C12orf56: variants seen among roughly 807,000 people sequenced by gnomAD.
C12orf56 encodes chromosome 12 open reading frame 56, also known as uncharacterized protein C12orf56.
C12orf56 carries 71 observed loss-of-function variants against 69.9 expected under a neutral mutation model. The ratio of observed to expected loss-of-function variants is 1.02; its 90% CI spans 0.84 to 1.24. The LOEUF is 1.24. Ranked by LOEUF, C12orf56 falls within the 50% of genes most tolerant of loss-of-function variation. The pLI is 0.00. For synonymous variants in C12orf56, 276 were observed against 274.1 expected (o/e 1.01, Z -0.07); for missense variants, 732 against 738.5 (o/e 0.99, Z 0.10).
chr12:64,357,116 A>AC (rs892490897), intron 1 of C12orf56, among the ~76,000 whole-genome samples: 4 of 151,594 alleles, frequency 2.6e-5, no homozygotes, highest in African/African-American at 7.3e-5. Flanking sequence ...TAAAAAAAAA[A>AC]ACACACAAAA....
rs866082637 is a variant in C12orf56, at chr12:64,382,675, C to A, written c.252+7639G>T. On this transcript the variant is annotated intron_variant, in intron 1 of 12. Transcript: ENST00000543942. Reference sequence around the variant, plus strand: ...GGATCACAAGGTCAGGAGATCGAAACCATCCTGGCTAACATGGTGAAACCC... The same window carrying A: ...GGATCACAAGGTCAGGAGATCGAAAACATCCTGGCTAACATGGTGAAACCC... 9.3e-5 allele frequency among the ~76,000 whole-genome samples: 14 copies of A among 151,098 alleles called. No individual in the cohort carries two copies. The South Asian group carries it at 1.9e-3, about 20-fold the overall frequency.
chr12:64,340,812 C>A (rs2039064989), intron 2 of C12orf56, among the ~76,000 whole-genome samples: 1 of 152,120 alleles, frequency 6.6e-6, no homozygotes, highest in Non-Finnish European at 1.5e-5. Context: ...ATTCTTTTTG[C>A]CTTCAGCAAG....
intron 2 of C12orf56, among the ~76,000 whole-genome samples, chr12:64,337,217 A>AT (rs1322686880): frequency 6.6e-6 from 1 of 151,688 alleles, no homozygotes; most frequent in Non-Finnish European, 1.5e-5. Flanking sequence ...CAAGTGTGTA[A>AT]TTTTTTTTCT....
intron 7 of C12orf56, among the ~76,000 whole-genome samples, chr12:64,285,241 A>G (rs1304938845): frequency 6.6e-6 from 1 of 152,188 alleles, no homozygotes; most frequent in Admixed American, 6.5e-5. Flanking sequence ...TGTCAGTACT[A>G]AATCATTTTA....
In C12orf56 at chr12:64,312,787, T is replaced by G. The variant is rs1171927832; in HGVS notation, c.895-35A>C. The G allele has an allele frequency of 2.8e-6, 4 of 1,442,880 alleles. No individual in the cohort carries two copies. The African/African-American group carries it at 4.2e-5, about 15-fold the overall frequency. The allele number at this position is 1,442,880 out of a possible 1,614,324, so 89.4% of individuals were successfully genotyped here. On this transcript the variant is annotated intron_variant, in intron 4 of 12. Coordinates refer to ENST00000543942, the MANE Select transcript of C12orf56 (RefSeq NM_001170633.2). The stretch of plus-strand genomic sequence containing the variant: ...GAAAAAGTAGAAATTGTTAGAATTT[T>G]TATTTACTGAAGATCAATTCCCCCT...
At chr12:64,326,533 G>C (rs2038842276) in intron 3 of C12orf56, among the ~76,000 whole-genome samples, 1 of 152,068 alleles carries the variant, frequency 6.6e-6, no homozygotes. Context: ...CTGGGAGTTC[G>C]AGACCAGCCT....
chr12:64,364,215 C>T (rs1014910370), intron 1 of C12orf56, among the ~76,000 whole-genome samples: 4 of 151,502 alleles, frequency 2.6e-5, no homozygotes, highest in South Asian at 2.1e-4. Context: ...TGTGGGAGGT[C>T]GAGGTTGCAG....
intron 2 of C12orf56, among the ~76,000 whole-genome samples, chr12:64,347,325 T>C (rs201700931): frequency 7.2e-6 from 1 of 138,788 alleles, no homozygotes; most frequent in Non-Finnish European, 1.6e-5. Flanking sequence ...TTGCTCTGTC[T>C]CCCAGGCTGG....
At chr12:64,308,900 G>GA (rs1202723448) in intron 5 of C12orf56, among the ~76,000 whole-genome samples, 2 of 55,138 alleles carry the variant, frequency 3.6e-5, no homozygotes, top group Non-Finnish European at 6.9e-5. Flanking sequence ...AAGAAAGAAA[G>GA]AAAGAAAGAA....
intron 2 of C12orf56, among the ~76,000 whole-genome samples, chr12:64,352,001 A>T (rs1478347612): frequency 6.6e-6 from 1 of 152,144 alleles, no homozygotes; most frequent in Non-Finnish European, 1.5e-5. Flanking sequence ...AATTTCCCAA[A>T]CCTTAAACTG....
chr12:64,269,049 G>A (rs1318408032), intron 12 of C12orf56, among the ~76,000 whole-genome samples: 2 of 151,550 alleles, frequency 1.3e-5, no homozygotes, highest in East Asian at 3.9e-4. Flanking sequence ...AGTGGAAGGG[G>A]GCATTGCTTG....
chr12:64,330,582 T>A (rs1337525272), intron 3 of C12orf56, among the ~76,000 whole-genome samples: 1 of 152,246 alleles, frequency 6.6e-6, no homozygotes, highest in African/African-American at 2.4e-5. Flanking sequence ...AAATGCTGTA[T>A]ATCTTAGTTA....
intron 2 of C12orf56, among the ~76,000 whole-genome samples, chr12:64,341,615 G>A (rs1302806972): frequency 6.6e-6 from 1 of 152,178 alleles, no homozygotes; most frequent in African/African-American, 2.4e-5. Context: ...ATGAAGGTGG[G>A]TAAGGCATTC....
rs556643833 is a variant in C12orf56 at position 64,343,979 on chromosome 12, T to C, written c.415+8915A>G. Among the ~76,000 whole-genome samples the C allele has an allele frequency of 1.0e-3, 154 of 152,272 alleles. 2 individuals carry two copies. Among genetic ancestry groups the C allele is most frequent in the Non-Finnish European group, 1.3e-3 (86 of 68,022 alleles). ...CCACAGGATGAGTCCAGGGGCCCACTGGACCCACTGTAACTCGAAGCTGAG... is the reference window on the plus strand; with the variant it reads ...CCACAGGATGAGTCCAGGGGCCCACCGGACCCACTGTAACTCGAAGCTGAG... On this transcript the variant is annotated intron_variant, in intron 2 of 12. Transcript: ENST00000543942.
At chr12:64,373,015 T>A (rs1364240725) in intron 1 of C12orf56, among the ~76,000 whole-genome samples, 1 of 152,210 alleles carries the variant, frequency 6.6e-6, no homozygotes, top group Non-Finnish European at 1.5e-5. Context: ...TCTTCTGGTT[T>A]CCTGCAATAT....
chr12:64,380,495 G>A (rs1479743324), intron 1 of C12orf56, among the ~76,000 whole-genome samples: 1 of 152,186 alleles, frequency 6.6e-6, no homozygotes, highest in Non-Finnish European at 1.5e-5. Flanking sequence ...AGAGAGGCAA[G>A]GTCCTACTCC....
At chr12:64,284,930 T>C (rs889985343) in intron 7 of C12orf56, among the ~76,000 whole-genome samples, 177 bp from the exon 8 acceptor site, 1 of 152,244 alleles carries the variant, frequency 6.6e-6, no homozygotes, top group Non-Finnish European at 1.5e-5. Flanking sequence ...CTCTGACTGC[T>C]ACACAGTAAA....
intron 1 of C12orf56, among the ~76,000 whole-genome samples, chr12:64,355,271 A>C (rs1485239075): frequency 6.6e-6 from 1 of 152,158 alleles, no homozygotes. Context: ...TGAAGATAGG[A>C]AGATGAATTA....
chr12:64,348,534 C>T (rs182680261), intron 2 of C12orf56, among the ~76,000 whole-genome samples: 53 of 152,278 alleles, frequency 3.5e-4, no homozygotes, highest in African/African-American at 1.2e-3. Flanking sequence ...TTCCCCAAAT[C>T]AAACTTCAGT....
Sources: gnomAD v4.1 joint callset for allele counts (sites outside exome capture counted in the v4.1 genomes callset) on GRCh38, gnomAD v4.1.1 for gene constraint, MANE v1.5 for transcripts, NCBI Gene and HGNC (gene_info 2026-07-23, HGNC 2026-07-21) for gene names.